Variants in MTHFD2L observed in about 807,000 individuals in gnomAD.
MTHFD2L encodes the protein methylenetetrahydrofolate dehydrogenase (NADP+ dependent) 2 like.
In MTHFD2L, 29 loss-of-function variants were observed where a neutral mutation model predicts 34.9. That is an observed-to-expected ratio of 0.83 (90% CI 0.62 to 1.13). The LOEUF (loss-of-function observed/expected upper bound fraction) is 1.13, where lower values mean the gene tolerates loss of function less well. Ranked by LOEUF, MTHFD2L falls within the 50% of genes most tolerant of loss-of-function variation. The pLI, the probability that MTHFD2L is intolerant of heterozygous loss-of-function variation, is 0.00. For synonymous variants in MTHFD2L, 167 were observed against 155.7 expected (o/e 1.07, Z -0.54); for missense variants, 481 against 446.5 (o/e 1.08, Z -0.70).
intron 5 of MTHFD2L, among the ~76,000 whole-genome samples, chr4:74,224,906 CA>C (rs141935792): frequency 0.02 from 3,110 of 152,236 alleles, 88 homozygotes; most frequent in African/African-American, 0.069. Context: ...TATGCTCCCA[CA>C]ATATATTGTC....
upstream of MTHFD2L, among the ~76,000 whole-genome samples, chr4:74,119,617 A>G (rs1200427437): frequency 6.6e-6 from 1 of 152,122 alleles, no homozygotes; most frequent in Non-Finnish European, 1.5e-5. Flanking sequence ...CCCCGTCTCT[A>G]CTAAAAATAC....
chr4:74,121,681 T>G (rs1201568880), upstream of MTHFD2L, among the ~76,000 whole-genome samples: 2 of 146,208 alleles, frequency 1.4e-5, no homozygotes, highest in East Asian at 3.9e-4. Context: ...TTTAATTATA[T>G]AATATATAAA....
At chr4:74,147,452 C>A (rs1354175726) in intron 1 of MTHFD2L, among the ~76,000 whole-genome samples, 1 of 152,160 alleles carries the variant, frequency 6.6e-6, no homozygotes, top group African/African-American at 2.4e-5. Context: ...TGCTGAACAG[C>A]CACTCTAATT....
chr4:74,299,101 T>C (rs1397538167), intron 7 of MTHFD2L, among the ~76,000 whole-genome samples: 1 of 151,992 alleles, frequency 6.6e-6, no homozygotes, highest in Non-Finnish European at 1.5e-5. Flanking sequence ...AAAGCTGCTT[T>C]ACCTTTCAAA....
intron 7 of MTHFD2L, among the ~76,000 whole-genome samples, chr4:74,298,086 G>C (rs1749842385): frequency 6.6e-6 from 1 of 152,024 alleles, no homozygotes; most frequent in Non-Finnish European, 1.5e-5. Context: ...CCTAATATGT[G>C]TTTTCCAAAG....
intron 7 of MTHFD2L, among the ~76,000 whole-genome samples, chr4:74,296,413 C>T (rs1256982986): frequency 1.3e-5 from 2 of 152,102 alleles, no homozygotes; most frequent in African/African-American, 2.4e-5. Context: ...ATGTGTACAT[C>T]CCCTTTGCAG....
At chr4:74,236,400 CT>C (rs999558637) in intron 6 of MTHFD2L, among the ~76,000 whole-genome samples, 2 of 152,188 alleles carry the variant, frequency 1.3e-5, no homozygotes, top group Non-Finnish European at 2.9e-5. Flanking sequence ...GACTTATTCA[CT>C]GTTATTCTTT....
intron 6 of MTHFD2L, among the ~76,000 whole-genome samples, chr4:74,243,348 T>C (rs367694359): frequency 2.1e-4 from 32 of 152,182 alleles, no homozygotes; most frequent in African/African-American, 7.2e-4. Context: ...TACTCCCAAA[T>C]GTGAGGATAC....
chr4:74,249,082 G>A (rs1462504384), intron 6 of MTHFD2L, among the ~76,000 whole-genome samples: 3 of 152,148 alleles, frequency 2.0e-5, no homozygotes, highest in Admixed American at 6.5e-5. Context: ...ACAGTGGGGT[G>A]TTAAAGTCTC....
intron 6 of MTHFD2L, among the ~76,000 whole-genome samples, chr4:74,226,923 G>C: frequency 6.6e-6 from 1 of 152,098 alleles, no homozygotes; most frequent in East Asian, 1.9e-4. Flanking sequence ...TAGTGTTTTG[G>C]GGATACTGTT....
chr4:74,232,362 A>C (rs1311936357), intron 6 of MTHFD2L, among the ~76,000 whole-genome samples: 1 of 152,002 alleles, frequency 6.6e-6, no homozygotes, highest in Non-Finnish European at 1.5e-5. Context: ...GAGAGGGGAG[A>C]TAGGGAAGGC....
chr4:74,195,133 A>G (rs1733250991), intron 3 of MTHFD2L: 1 of 152,248 alleles, frequency 6.6e-6, no homozygotes, highest in Non-Finnish European at 1.5e-5. Context: ...TCATGTTTTC[A>G]AGGAACATCA....
At chr4:74,244,957 G>A (rs1742205599) in intron 6 of MTHFD2L, among the ~76,000 whole-genome samples, 1 of 152,022 alleles carries the variant, frequency 6.6e-6, no homozygotes, top group African/African-American at 2.4e-5. Flanking sequence ...CACTTTGGGA[G>A]GCCGAGGCGG....
chr4:74,247,875 G>A (rs373529433), intron 6 of MTHFD2L, among the ~76,000 whole-genome samples: 4 of 152,070 alleles, frequency 2.6e-5, no homozygotes, highest in East Asian at 1.9e-4. Context: ...TGCTGGATTC[G>A]GTTTGCCAGT....
intron 6 of MTHFD2L, among the ~76,000 whole-genome samples, chr4:74,239,911 A>G (rs1291554769): frequency 6.6e-6 from 1 of 152,212 alleles, no homozygotes; most frequent in Non-Finnish European, 1.5e-5. Flanking sequence ...ACACAGACAC[A>G]TACACTCCCA....
At chr4:74,202,036 G>A (rs372482356) in intron 5 of MTHFD2L, among the ~76,000 whole-genome samples, 99 of 152,322 alleles carry the variant, frequency 6.5e-4, no homozygotes, top group East Asian at 5.0e-3. Flanking sequence ...GATGAATAAA[G>A]TACACTGACA....
chr4:74,213,656 A>C (rs1333542156), intron 5 of MTHFD2L, among the ~76,000 whole-genome samples: 1 of 151,724 alleles, frequency 6.6e-6, no homozygotes, highest in African/African-American at 2.4e-5. Flanking sequence ...CTTCATTTTA[A>C]CCTTGGTGAA....
At chr4:74,147,064 T>C (rs1210117560) in intron 1 of MTHFD2L, among the ~76,000 whole-genome samples, 1 of 152,204 alleles carries the variant, frequency 6.6e-6, no homozygotes. Context: ...ATACTGAGTT[T>C]CCTTAAAAAC....
At chr4:74,231,080 G>T (rs186854839) in intron 6 of MTHFD2L, among the ~76,000 whole-genome samples, 2 of 152,220 alleles carry the variant, frequency 1.3e-5, no homozygotes, top group East Asian at 3.9e-4. Context: ...CTTCACAGTT[G>T]TAACTTTAGA....
Sources: gnomAD v4.1 joint callset for allele counts (sites outside exome capture counted in the v4.1 genomes callset) on GRCh38, gnomAD v4.1.1 for gene constraint, MANE v1.5 for transcripts, NCBI Gene and HGNC (gene_info 2026-07-23, HGNC 2026-07-21) for gene names.